Variants in LPAR1 observed in about 807,000 individuals in gnomAD.
The protein encoded by LPAR1 is lysophosphatidic acid receptor 1.
LPAR1 carries 5 observed loss-of-function variants against 23.8 expected under a neutral mutation model. That is an observed-to-expected ratio of 0.21 (90% confidence interval 0.11 to 0.44). LPAR1 has a LOEUF of 0.44. Ranked by LOEUF, LPAR1 falls within the 20% of genes least tolerant of loss-of-function variation. The probability of loss-of-function intolerance (pLI) is 0.99; values close to 1 mark genes in which losing one functional copy is unlikely to be tolerated. For synonymous variants in LPAR1, 160 were observed against 164.7 expected, an observed-to-expected ratio of 0.97 and a Z score of 0.22; for missense variants, 311 against 482.8, an observed-to-expected ratio of 0.64 and a Z score of 3.33.
intron 4 of LPAR1, among the ~76,000 whole-genome samples, chr9:110,966,810 C>T (rs1170379500): frequency 6.6e-6 from 1 of 152,082 alleles, no homozygotes; most frequent in Non-Finnish European, 1.5e-5. Context: ...TAATATAATC[C>T]TAGGTTTAAG....
intron 5 of LPAR1, among the ~76,000 whole-genome samples, chr9:110,905,481 G>C (rs1430470811): frequency 6.6e-6 from 1 of 151,646 alleles, no homozygotes; most frequent in South Asian, 2.1e-4. Context: ...CCAGCAGCTG[G>C]GATTACAGGC....
At chr9:110,886,534 A>C (rs1536436) in intron 5 of LPAR1, among the ~76,000 whole-genome samples, 143,505 of 152,064 alleles carry the variant, frequency 0.94, 68,555 homozygotes, top group Non-Finnish European at 0.97. Flanking sequence ...ATATATATAC[A>C]CATATGTATG....
chr9:110,893,807 C>T (rs1352501607), intron 5 of LPAR1, among the ~76,000 whole-genome samples: 1 of 152,142 alleles, frequency 6.6e-6, no homozygotes, highest in African/African-American at 2.4e-5. Context: ...CTGTTTCATG[C>T]ACATAATCTT....
chr9:110,914,711 T>A (rs1012700336), intron 5 of LPAR1, among the ~76,000 whole-genome samples: 3 of 152,216 alleles, frequency 2.0e-5, no homozygotes, highest in African/African-American at 7.2e-5. Flanking sequence ...ACATGGAAGA[T>A]GCCTAGTACA....
intron 4 of LPAR1, among the ~76,000 whole-genome samples, chr9:110,950,994 T>C (rs944167233): frequency 6.6e-6 from 1 of 152,120 alleles, no homozygotes. Flanking sequence ...AGTTAGGACA[T>C]TGTGATATTG....
At chr9:110,985,626 T>C (rs1324339822) in intron 2 of LPAR1, among the ~76,000 whole-genome samples, 2 of 152,166 alleles carry the variant, frequency 1.3e-5, no homozygotes, top group Non-Finnish European at 2.9e-5. Flanking sequence ...AAACACTGTC[T>C]TAATTTCAAA....
chr9:110,873,359 C>T lies in LPAR1; in HGVS notation c.*2062G>A, dbSNP rs1409272547. The stretch of plus-strand genomic sequence containing the variant: ...AAATATGCACATGTGTAAAAGTCCA[C>T]GTTCATTTCTTTCACTTCCAATATA... On this transcript the variant is annotated 3_prime_UTR_variant, in exon 6 of 6. Transcript: ENST00000683809. The T allele has an allele frequency of 6.6e-6, 1 of 152,160 alleles. No homozygotes were observed. Among genetic ancestry groups the T allele is most frequent in the Non-Finnish European group, 1.5e-5 (1 of 68,026 alleles). 9.4% of individuals were successfully genotyped at this position (152,160 alleles called of 1,614,324 possible).
intron 4 of LPAR1, among the ~76,000 whole-genome samples, chr9:110,951,779 AT>A (rs1171465501): frequency 2.0e-5 from 3 of 152,132 alleles, no homozygotes; most frequent in Non-Finnish European, 4.4e-5. Flanking sequence ...TAAAAAAAAA[AT>A]CACACATGTG....
intron 5 of LPAR1, among the ~76,000 whole-genome samples, chr9:110,913,721 C>T (rs2092738310): frequency 6.6e-6 from 1 of 152,128 alleles, no homozygotes; most frequent in Non-Finnish European, 1.5e-5. Flanking sequence ...AAAGGACAGG[C>T]TGCAATGTGA....
intron 5 of LPAR1, among the ~76,000 whole-genome samples, chr9:110,916,908 C>CTTT (rs78208410): frequency 8.8e-4 from 119 of 136,000 alleles, no homozygotes; most frequent in African/African-American, 3.1e-3. Flanking sequence ...AAAATAAAGT[C>CTTT]TTTTTTTTTT....
intron 2 of LPAR1, among the ~76,000 whole-genome samples, chr9:111,030,066 A>T (rs1484362526): frequency 6.6e-6 from 1 of 151,772 alleles, no homozygotes; most frequent in East Asian, 1.9e-4. Flanking sequence ...AAAAAAAAAA[A>T]AAAATTTAGT....
At chr9:111,016,549 A>T (rs1163605721) in intron 2 of LPAR1, among the ~76,000 whole-genome samples, 1 of 152,130 alleles carries the variant, frequency 6.6e-6, no homozygotes, top group Admixed American at 6.5e-5. Context: ...GACTCCACAA[A>T]ATCCGTGCTC....
chr9:110,970,164 T>C (rs1365617853), intron 4 of LPAR1, among the ~76,000 whole-genome samples: 1 of 152,092 alleles, frequency 6.6e-6, no homozygotes, highest in East Asian at 1.9e-4. Context: ...AGAAGATATA[T>C]AGATAAGAAG....
At chr9:110,986,509 A>G (rs2096784825) in intron 2 of LPAR1, among the ~76,000 whole-genome samples, 1 of 152,128 alleles carries the variant, frequency 6.6e-6, no homozygotes, top group African/African-American at 2.4e-5. Context: ...GTTTGAGACC[A>G]GCCAGGGCAA....
intron 2 of LPAR1, among the ~76,000 whole-genome samples, chr9:111,013,174 G>A (rs555859067): frequency 6.6e-6 from 1 of 152,174 alleles, no homozygotes; most frequent in South Asian, 2.1e-4. Context: ...GGCCAAAAGT[G>A]CTTGTAAAAT....
chr9:110,899,293 A>G (rs543120363), intron 5 of LPAR1, among the ~76,000 whole-genome samples: 54 of 152,342 alleles, frequency 3.5e-4, no homozygotes, highest in African/African-American at 1.3e-3. Flanking sequence ...ATTCAATTAC[A>G]AAGTAAAAAT....
intron 2 of LPAR1, among the ~76,000 whole-genome samples, chr9:111,028,239 C>T (rs1451965842): frequency 3.3e-5 from 5 of 151,708 alleles, no homozygotes; most frequent in Admixed American, 2.6e-4. Flanking sequence ...CAAGAGAGCA[C>T]ATCCAGCTAA....
At chr9:110,876,007 A>G (rs1264439232) in intron 5 of LPAR1, among the ~76,000 whole-genome samples, 1 of 152,192 alleles carries the variant, frequency 6.6e-6, no homozygotes, top group Non-Finnish European at 1.5e-5. Context: ...AGCAATTGAG[A>G]TATGAAAAAC....
At chr9:110,979,192 G>A (rs1416787501) in intron 2 of LPAR1, among the ~76,000 whole-genome samples, 1 of 151,724 alleles carries the variant, frequency 6.6e-6, no homozygotes, top group Non-Finnish European at 1.5e-5. Flanking sequence ...ACATCATATT[G>A]TGCATGATAA....
Sources: gnomAD v4.1 joint callset for allele counts (sites outside exome capture counted in the v4.1 genomes callset) on GRCh38, gnomAD v4.1.1 for gene constraint, MANE v1.5 for transcripts, NCBI Gene and HGNC (gene_info 2026-07-23, HGNC 2026-07-21) for gene names.